KCTD1: variants seen among roughly 807,000 people sequenced by gnomAD.
The protein encoded by KCTD1 is potassium channel tetramerization domain containing 1, also known as BTB/POZ domain-containing protein KCTD1.
KCTD1 carries 24 observed loss-of-function variants against 66.0 expected under a neutral mutation model. The observed-to-expected ratio is 0.36, with a 90% CI of 0.26 to 0.51. KCTD1 has a LOEUF of 0.51. Ranked by LOEUF, KCTD1 falls within the 20% of genes least tolerant of loss-of-function variation. The probability of loss-of-function intolerance (pLI) is 0.95; values close to 1 mark genes in which losing one functional copy is unlikely to be tolerated. For missense variants in KCTD1, 943 were observed against 1,205.2 expected (o/e 0.78, Z 3.22); for synonymous variants, 511 against 517.2 (o/e 0.99, Z 0.16).
At chr18:26,570,189 A>ATATATATATAT (rs1481620480) in intron 1 of KCTD1, among the ~76,000 whole-genome samples, 1 of 88,770 alleles carries the variant, frequency 1.1e-5, no homozygotes, top group Non-Finnish European at 2.8e-5. Flanking sequence ...CCATCTAAAA[A>ATATATATATAT]AAATATATAT....
chr18:26,589,894 T>A (rs567258300), intron 1 of KCTD1, among the ~76,000 whole-genome samples: 1 of 152,294 alleles, frequency 6.6e-6, no homozygotes, highest in Admixed American at 6.5e-5. Context: ...CAGCATCTTC[T>A]CTGACTTCAT....
At chr18:26,600,383 T>C in intron 1 of KCTD1, 1 of 1,021,704 alleles carries the variant, frequency 9.8e-7, no homozygotes, top group Non-Finnish European at 1.5e-6. Context: ...TCCAGCCAAC[T>C]CCTGTCCCTC....
intron 1 of KCTD1, among the ~76,000 whole-genome samples, chr18:26,533,911 A>G: frequency 6.6e-6 from 1 of 151,928 alleles, no homozygotes; most frequent in African/African-American, 2.4e-5. Flanking sequence ...TAATAAAAGT[A>G]TAAGAGGTTC....
intron 1 of KCTD1, among the ~76,000 whole-genome samples, chr18:26,574,281 A>C (rs1986174759): frequency 6.6e-6 from 1 of 152,272 alleles, no homozygotes; most frequent in African/African-American, 2.4e-5. Flanking sequence ...AAAAGCTGAC[A>C]AATGAATGAG....
intron 1 of KCTD1, among the ~76,000 whole-genome samples, chr18:26,524,259 A>G (rs1984051377): frequency 6.6e-6 from 1 of 152,184 alleles, no homozygotes; most frequent in Admixed American, 6.5e-5. Flanking sequence ...CTTATGGGCC[A>G]AGGTGAAGGC....
At chr18:26,543,235 T>G (rs1417535359) in intron 1 of KCTD1, 1 of 152,198 alleles carries the variant, frequency 6.6e-6, no homozygotes, top group Non-Finnish European at 1.5e-5. Flanking sequence ...AGCCACAAAC[T>G]AATATTGAAA....
At chr18:26,624,163 A>T (rs922975617) in intron 1 of KCTD1, among the ~76,000 whole-genome samples, 2 of 152,242 alleles carry the variant, frequency 1.3e-5, no homozygotes, top group African/African-American at 4.8e-5. Flanking sequence ...GAGGAAGCAC[A>T]GCATAAAAGT....
intron 1 of KCTD1, among the ~76,000 whole-genome samples, chr18:26,542,536 C>A (rs1459026239): frequency 6.6e-6 from 1 of 152,162 alleles, no homozygotes; most frequent in African/African-American, 2.4e-5. Flanking sequence ...TGTCTTGAAA[C>A]TCAAGTTTTA....
At chr18:26,500,054 G>A (rs1982675380) in intron 2 of KCTD1, among the ~76,000 whole-genome samples, 1 of 152,056 alleles carries the variant, frequency 6.6e-6, no homozygotes, top group Non-Finnish European at 1.5e-5. Context: ...GGCCAAGGTA[G>A]AAGAATTGCC....
chr18:26,531,659 A>G (rs1199968845), intron 1 of KCTD1, among the ~76,000 whole-genome samples: 2 of 152,190 alleles, frequency 1.3e-5, no homozygotes, highest in African/African-American at 4.8e-5. Flanking sequence ...GGGTAGAATC[A>G]TAGGTTCTTA....
At chr18:26,504,359 A>G (rs1317730003) in intron 1 of KCTD1, among the ~76,000 whole-genome samples, 3 of 152,084 alleles carry the variant, frequency 2.0e-5, no homozygotes, top group Non-Finnish European at 4.4e-5. Context: ...CCTCCTGAGT[A>G]GCTGACACTA....
intron 1 of KCTD1, among the ~76,000 whole-genome samples, chr18:26,599,064 T>C (rs1986832339): frequency 6.6e-6 from 1 of 152,234 alleles, no homozygotes; most frequent in African/African-American, 2.4e-5. Flanking sequence ...TAAGATACTA[T>C]TGACAAATCC....
chr18:26,536,923 T>TA (rs75357237), intron 1 of KCTD1, among the ~76,000 whole-genome samples: 9,133 of 142,154 alleles, frequency 0.064, 321 homozygotes, highest in Middle Eastern at 0.11. Context: ...TTTCATAAAT[T>TA]AAAAAAAAAA....
At chr18:26,554,307 TA>T (rs1985653017) in intron 1 of KCTD1, among the ~76,000 whole-genome samples, 1 of 150,300 alleles carries the variant, frequency 6.7e-6, no homozygotes, top group African/African-American at 2.4e-5. Flanking sequence ...TCCCTACCAT[TA>T]AAATACCCCT....
chr18:26,462,379 GT>G (rs1980481755), intron 3 of KCTD1, among the ~76,000 whole-genome samples: 1 of 152,186 alleles, frequency 6.6e-6, no homozygotes, highest in Non-Finnish European at 1.5e-5. Context: ...GCCACCAGGT[GT>G]TCTTTTACTC....
rs536861181 is a variant in KCTD1, at chr18:26,594,963, T to G, written c.-16+34184A>C. Among the ~76,000 whole-genome samples the G allele has an allele frequency of 1.1e-4, 17 of 151,888 alleles. No individual in the cohort carries two copies. In the South Asian group the frequency reaches 3.6e-3, roughly 32 times the overall value. Reference sequence around the variant, plus strand: ...GTGAGCCAATCCCTTAGAATAAATATCTCTCTCTCCATTTTCCTCTCCCCC... The same window carrying G: ...GTGAGCCAATCCCTTAGAATAAATAGCTCTCTCTCCATTTTCCTCTCCCCC... On this transcript the variant is annotated intron_variant, in intron 1 of 4. Transcript: ENST00000317932.
chr18:26,585,242 C>T (rs1986447522), intron 1 of KCTD1, among the ~76,000 whole-genome samples: 1 of 152,196 alleles, frequency 6.6e-6, no homozygotes, highest in African/African-American at 2.4e-5. Flanking sequence ...ATACTTTTGG[C>T]AACTAATGCC....
At chr18:26,482,519 C>T (rs1298513494) in intron 2 of KCTD1, among the ~76,000 whole-genome samples, 1 of 152,192 alleles carries the variant, frequency 6.6e-6, no homozygotes, top group Non-Finnish European at 1.5e-5. Context: ...TGTCCCTACA[C>T]TTAATCCTGA....
At chr18:26,587,107 C>T (rs1296920850) in intron 1 of KCTD1, among the ~76,000 whole-genome samples, 3 of 152,210 alleles carry the variant, frequency 2.0e-5, no homozygotes, top group African/African-American at 7.2e-5. Context: ...GAAGTCACTG[C>T]CTGGCTTCAA....
Sources: gnomAD v4.1 joint callset for allele counts (sites outside exome capture counted in the v4.1 genomes callset) on GRCh38, gnomAD v4.1.1 for gene constraint, MANE v1.5 for transcripts, NCBI Gene and HGNC (gene_info 2026-07-23, HGNC 2026-07-21) for gene names.